The following TBC1D16 variants were observed in gnomAD, a reference collection of about 807,000 sequenced individuals.
TBC1D16 encodes the protein CTD-2529O21.1.
Under a neutral mutation model 74.7 loss-of-function variants are expected in TBC1D16, and 58 were observed. The observed-to-expected ratio is 0.78, with a 90% CI of 0.63 to 0.97. TBC1D16 has a LOEUF of 0.97. Among genes scored for constraint, TBC1D16 ranks in the 50% least tolerant of loss-of-function variants. The pLI, the probability that TBC1D16 is intolerant of heterozygous loss-of-function variation, is 0.00. For missense variants in TBC1D16, 1,014 were observed against 1,079.5 expected, an observed-to-expected ratio of 0.94 and a Z score of 0.85; for synonymous variants, 493 against 474.7, an observed-to-expected ratio of 1.04 and a Z score of -0.50.
chr17:79,973,343 C>T (rs541823839), intron 3 of TBC1D16, among the ~76,000 whole-genome samples: 72 of 152,124 alleles, frequency 4.7e-4, no homozygotes, highest in African/African-American at 1.7e-3. Flanking sequence ...GAGGCTGAGA[C>T]GGGTAGGTCA....
rs2034922971 is a variant in TBC1D16 at position 79,988,310 on chromosome 17, C to A, written c.779+21850G>T. Among the ~76,000 whole-genome samples the A allele has an allele frequency of 6.6e-6, 1 of 152,266 alleles. No individual in the cohort carries two copies. Among genetic ancestry groups the A allele is most frequent in the African/African-American group, 2.4e-5 (1 of 41,472 alleles). ...AGAGCAAAACAACACGCTGAACAAA[C>A]ACCACCACCCTGAAAAGTCACCAGC... is the stretch of plus-strand genomic sequence containing the variant. On this transcript the variant is annotated intron_variant, in intron 3 of 11. Coordinates refer to ENST00000310924, the MANE Select transcript of TBC1D16 (RefSeq NM_019020.4). This position sits in a 1 kb window ranked among gnomAD's most constrained non-coding sequence, Gnocchi z 5.7.
At chr17:80,003,137 G>A (rs969407763) in intron 3 of TBC1D16, among the ~76,000 whole-genome samples, 1 of 152,204 alleles carries the variant, frequency 6.6e-6, no homozygotes, top group Non-Finnish European at 1.5e-5. Context: ...GAGGGCAGGG[G>A]GTCCCGGCAG....
At chr17:79,959,842 G>C (rs182232575) in intron 3 of TBC1D16, among the ~76,000 whole-genome samples, 1 of 151,320 alleles carries the variant, frequency 6.6e-6, no homozygotes, top group East Asian at 1.9e-4. Flanking sequence ...AATACAAACT[G>C]TAAAAGAAAT....
chr17:79,962,432 T>G (rs1198244304), intron 3 of TBC1D16, among the ~76,000 whole-genome samples: 1 of 151,570 alleles, frequency 6.6e-6, no homozygotes. Context: ...CCAGCTGGCC[T>G]CAAACTCCTG....
rs1035734754 is a variant in TBC1D16 at position 79,932,832 on chromosome 17, C to T, written c.*8027G>A. 1.3e-5 allele frequency: 2 copies of T among 152,246 alleles called. No homozygotes were observed. The highest frequency in any genetic ancestry group is 2.9e-5 in the Non-Finnish European group (2 of 68,058). 9.4% of individuals were successfully genotyped at this position (152,246 alleles called of 1,614,324 possible). On this transcript the variant is annotated 3_prime_UTR_variant, in exon 12 of 12. Coordinates refer to ENST00000310924, the MANE Select transcript of TBC1D16 (RefSeq NM_019020.4). ...GGCCCTGGACCCCTTTTGCACCATC[C>T]TAATTTCAACATCCAGATGTCAATT...
intron 3 of TBC1D16, chr17:79,991,841 G>A (rs2035074277): frequency 1.3e-5 from 2 of 150,528 alleles, no homozygotes; most frequent in African/African-American, 4.9e-5. Context: ...CCTCCACGCA[G>A]ATGGAGTTTG....
intron 3 of TBC1D16, among the ~76,000 whole-genome samples, chr17:79,973,222 C>T (rs2034188332): frequency 6.6e-6 from 1 of 152,250 alleles, no homozygotes; most frequent in African/African-American, 2.4e-5. Context: ...ACATACACAC[C>T]TATGATAAAG....
chr17:80,030,034 C>T (rs2036720893), intron 1 of TBC1D16, among the ~76,000 whole-genome samples: 1 of 152,174 alleles, frequency 6.6e-6, no homozygotes, highest in Non-Finnish European at 1.5e-5. Context: ...CTGCCTGATC[C>T]TGCGATTGCA....
intron 3 of TBC1D16, among the ~76,000 whole-genome samples, chr17:79,999,764 G>A (rs1406470171): frequency 3.3e-5 from 5 of 151,906 alleles, no homozygotes; most frequent in Admixed American, 6.5e-5. Context: ...GGCTGGTCTC[G>A]AACTCCTGAC....
chr17:80,010,810 G>T lies in TBC1D16; in HGVS notation c.182-53C>A. On this transcript the variant is annotated intron_variant, in intron 2 of 11. Transcript: ENST00000310924. This position sits in a 1 kb window ranked among gnomAD's most constrained non-coding sequence, Gnocchi z 8.8. ...TAGAGGCCAGGAGGCTGTGGATGAGGCCCTTGTGGTACCTTTGGCGAGCTG... is the reference window on the plus strand; with the variant it reads ...TAGAGGCCAGGAGGCTGTGGATGAGTCCCTTGTGGTACCTTTGGCGAGCTG... 2 of 1,351,138 alleles carry T rather than the reference G, an allele frequency of 1.5e-6. No homozygotes were observed. The highest frequency in any genetic ancestry group is 2.0e-6 in the Non-Finnish European group (2 of 1,021,136). 83.7% of individuals were successfully genotyped at this position (1,351,138 alleles called of 1,614,324 possible). A position where few individuals can be genotyped will look rare whatever the true frequency, so the allele number is the denominator to read the frequency against.
chr17:79,960,896 A>C (rs1366569159), intron 3 of TBC1D16, among the ~76,000 whole-genome samples: 1 of 149,330 alleles, frequency 6.7e-6, no homozygotes, highest in Non-Finnish European at 1.5e-5. Context: ...CAAATGACAG[A>C]ACCACTCTGG....
chr17:79,956,460 C>T lies in TBC1D16; in HGVS notation c.780-3642G>A, dbSNP rs1031598638. Among the ~76,000 whole-genome samples the T allele has an allele frequency of 3.3e-5, 5 of 152,048 alleles. No individual in the cohort carries two copies. Among genetic ancestry groups the T allele is most frequent in the African/African-American group, 7.2e-5 (3 of 41,402 alleles). On this transcript the variant is annotated intron_variant, in intron 3 of 11. Coordinates refer to ENST00000310924, the MANE Select transcript of TBC1D16 (RefSeq NM_019020.4). This position sits in a 1 kb window ranked among gnomAD's most constrained non-coding sequence, Gnocchi z 4.0. ...ATAGAGATGGGGTTTTGCCATGTTG[C>T]CCAGGCTGGTCTCAAACTCCTGAGC... is the stretch of plus-strand genomic sequence containing the variant.
rs910660406 is a variant in TBC1D16, at chr17:79,990,283, G to A, written c.779+19877C>T. Among the ~76,000 whole-genome samples the A allele has an allele frequency of 6.6e-6, 1 of 152,230 alleles. No individual in the cohort carries two copies. On this transcript the variant is annotated intron_variant, in intron 3 of 11. Transcript: ENST00000310924. The surrounding 1 kb of genome is among the most constrained non-coding windows in gnomAD (Gnocchi z 4.8). ...GACGGGTCTCGGGCGCCCAGCCAGC[G>A]AGGGGCCGGCTCCAGGTGGTGGGAG...
At chr17:79,995,890 G>A (rs1026435345) in intron 3 of TBC1D16, among the ~76,000 whole-genome samples, 1 of 152,178 alleles carries the variant, frequency 6.6e-6, no homozygotes, top group African/African-American at 2.4e-5. Context: ...TCATAACCTG[G>A]ACTTCATCAA....
rs2034499391 is a variant in TBC1D16, at chr17:79,979,753, C to T, written c.780-26935G>A. On this transcript the variant is annotated intron_variant, in intron 3 of 11. Transcript: ENST00000310924. This position sits in a 1 kb window ranked among gnomAD's most constrained non-coding sequence, Gnocchi z 4.8. ...GGAGCAGGAAAGGACCCTGGTCTCC[C>T]TTCACATCCACCAAAAGCTCACCCT... Among the ~76,000 whole-genome samples the T allele has an allele frequency of 6.6e-6, 1 of 151,794 alleles. No homozygotes were observed. Among genetic ancestry groups the T allele is most frequent in the South Asian group, 2.1e-4 (1 of 4,816 alleles).
chr17:79,988,263 T>C lies in TBC1D16; in HGVS notation c.779+21897A>G, dbSNP rs1274222953. 1.3e-5 allele frequency among the ~76,000 whole-genome samples: 2 copies of C among 152,190 alleles called. No homozygotes were observed. On this transcript the variant is annotated intron_variant, in intron 3 of 11. Coordinates refer to ENST00000310924, the MANE Select transcript of TBC1D16 (RefSeq NM_019020.4). The surrounding 1 kb of genome is among the most constrained non-coding windows in gnomAD (Gnocchi z 5.7). The stretch of plus-strand genomic sequence containing the variant: ...CGGCAAGTGGGCGTCCGCCGAGCCT[T>C]TGATGCACTCTCCAAAGTCACAGAG...
intron 3 of TBC1D16, among the ~76,000 whole-genome samples, chr17:80,002,012 T>A (rs2035506023): frequency 6.6e-6 from 1 of 152,118 alleles, no homozygotes; most frequent in African/African-American, 2.4e-5. Context: ...CTCCAGGAGT[T>A]TCTAATCCTC....
rs994209581 is a variant in TBC1D16 at position 79,941,142 on chromosome 17, G to A, written c.2056-35C>T. ...GAGGACGGGGGGTGAGGAGGGGCCGGGGGACAGCCTGGCAGCCTAGGGTCC... is the reference window on the plus strand; with the variant it reads ...GAGGACGGGGGGTGAGGAGGGGCCGAGGGACAGCCTGGCAGCCTAGGGTCC... On this transcript the variant is annotated intron_variant, in intron 11 of 11. Transcript: ENST00000310924. This position sits in a 1 kb window ranked among gnomAD's most constrained non-coding sequence, Gnocchi z 4.3. The A allele has an allele frequency of 7.9e-6, 12 of 1,526,412 alleles. No homozygotes were observed. The highest frequency in any genetic ancestry group is 3.9e-4 in the Middle Eastern group (2 of 5,130). 94.6% of individuals were successfully genotyped at this position (1,526,412 alleles called of 1,614,324 possible). A position where few individuals can be genotyped will look rare whatever the true frequency, so the allele number is the denominator to read the frequency against.
At chr17:80,006,963 C>T (rs2035699146) in intron 3 of TBC1D16, among the ~76,000 whole-genome samples, 1 of 152,130 alleles carries the variant, frequency 6.6e-6, no homozygotes, top group African/African-American at 2.4e-5. Flanking sequence ...GCCCGGCCTC[C>T]ATATCTACTT....
Sources: gnomAD v4.1 joint callset for allele counts (sites outside exome capture counted in the v4.1 genomes callset) on GRCh38, gnomAD v4.1.1 for gene constraint, Gnocchi (gnomAD v3.1) non-coding constraint, MANE v1.5 for transcripts, NCBI Gene and HGNC (gene_info 2026-07-23, HGNC 2026-07-21) for gene names.